The following MIOS variants were observed in gnomAD, a reference collection of about 807,000 sequenced individuals.
MIOS encodes GATOR2 complex protein MIOS.
MIOS carries 52 observed loss-of-function variants against 96.9 expected under a neutral mutation model. The observed-to-expected ratio is 0.54, with a 90% confidence interval of 0.43 to 0.68. The LOEUF is 0.68. Among genes scored for constraint, MIOS ranks in the 30% least tolerant of loss-of-function variants. The pLI is 0.00. For synonymous variants in MIOS, 397 were observed against 359.5 expected (o/e 1.10, Z -1.18); for missense variants, 1,005 against 1,052.8 (o/e 0.95, Z 0.63).
At chr7:7,594,075 G>A (rs147210702) in intron 9 of MIOS, among the ~76,000 whole-genome samples, 2 of 152,070 alleles carry the variant, frequency 1.3e-5, no homozygotes, top group East Asian at 1.9e-4. Context: ...CTGTGGCTAC[G>A]GGCAAAAGAA....
intron 11 of MIOS, among the ~76,000 whole-genome samples, 170 bp downstream of exon 11, chr7:7,596,631 A>G (rs192292434): frequency 6.6e-6 from 1 of 152,328 alleles, no homozygotes; most frequent in Non-Finnish European, 1.5e-5. Flanking sequence ...TGAAAACTAA[A>G]AGCAAAATCT....
Position 7,607,668 on chromosome 7 carries a change from A to G in MIOS, c.*576A>G, listed in dbSNP as rs973353238. ...TGTGTGTATATTTATGTGTGTATGT[A>G]TAAATATGTATTTTTTAAAGGAGCC... On this transcript the variant is annotated 3_prime_UTR_variant, in exon 13 of 13. Coordinates refer to ENST00000340080, the MANE Select transcript of MIOS (RefSeq NM_019005.4). The G allele has an allele frequency of 1.3e-5, 2 of 152,260 alleles. No homozygotes were observed. Among genetic ancestry groups the G allele is most frequent in the East Asian group, 1.9e-4 (1 of 5,184 alleles). The allele number at this position is 152,260 out of a possible 1,614,324, so 9.4% of individuals were successfully genotyped here.
chr7:7,604,269 T>G (rs1784463848), intron 11 of MIOS, among the ~76,000 whole-genome samples: 1 of 152,092 alleles, frequency 6.6e-6, no homozygotes, highest in Non-Finnish European at 1.5e-5. Context: ...TAAACCTCCC[T>G]GGTGCTTTGC....
chr7:7,573,678 G>T lies in MIOS; in HGVS notation c.1203G>T (p.Arg401Ser). ...AGATGCGTCTTCGGGCTTTATCAAG[G>T]TATGGACTTGATACAGAGCAGGTGT... ...ATKMRLRALS[R>S]YGLDTEQVWR... Residue 401 changes from arginine to serine, a missense_variant, in exon 4 of 13, where the codon AGG becomes AGT. Coordinates refer to ENST00000340080, the MANE Select transcript of MIOS (RefSeq NM_019005.4). This position sits in a 1 kb window ranked among gnomAD's most constrained non-coding sequence, Gnocchi z 5.0. The T allele has an allele frequency of 6.2e-7, 1 of 1,613,868 alleles. No homozygotes were observed. The highest frequency in any genetic ancestry group is 1.1e-5 in the South Asian group (1 of 91,070).
At chr7:7,594,935 C>G in intron 9 of MIOS, 45 bp from the exon 10 acceptor site, 1 of 1,502,640 alleles carries the variant, frequency 6.7e-7, no homozygotes, top group South Asian at 1.3e-5. Context: ...TCTGGCCTAG[C>G]CAGGAGATTT....
At position 7,596,719 on chromosome 7, in the gene MIOS, A is replaced by G. The variant is rs563045772; in HGVS notation, c.2401+258A>G. On this transcript the variant is annotated intron_variant, in intron 11 of 12. Transcript: ENST00000340080. ...GTGAGAAAAACTTAAATATGAAATAATCTTAATATATTACCATTTTCTTAT... is the reference window on the plus strand; with the variant it reads ...GTGAGAAAAACTTAAATATGAAATAGTCTTAATATATTACCATTTTCTTAT... Among the ~76,000 whole-genome samples, 28 of 152,358 alleles carry G rather than the reference A, an allele frequency of 1.8e-4. 1 individual carries two copies. The South Asian group carries it at 5.6e-3, about 30-fold the overall frequency.
chr7:7,580,938 C>T (rs185480371), intron 5 of MIOS, among the ~76,000 whole-genome samples: 2 of 150,398 alleles, frequency 1.3e-5, no homozygotes, highest in Admixed American at 6.6e-5. Context: ...CCGCCCACCT[C>T]GTCCTCCCAA....
At chr7:7,580,694 CTTT>C (rs377207804) in intron 5 of MIOS, among the ~76,000 whole-genome samples, 1 of 129,976 alleles carries the variant, frequency 7.7e-6, no homozygotes, top group African/African-American at 2.9e-5. Context: ...ACTATTTTAC[CTTT>C]TTTTTTTTTT....
intron 2 of MIOS, 97 bp downstream of exon 2, chr7:7,567,785 A>C (rs1783195516): frequency 6.6e-6 from 1 of 152,376 alleles, no homozygotes; most frequent in Non-Finnish European, 1.5e-5. Context: ...TCCAGTAGCC[A>C]CATGGGATTG....
At chr7:7,587,646 T>A (rs1783931374) in intron 7 of MIOS, among the ~76,000 whole-genome samples, 1 of 152,288 alleles carries the variant, frequency 6.6e-6, no homozygotes. Flanking sequence ...TTGTAACATA[T>A]GCAACTGAAT....
In MIOS at chr7:7,607,717, T is replaced by G. The variant is rs1784570153; in HGVS notation, c.*625T>G. The G allele has an allele frequency of 1.3e-5, 2 of 152,164 alleles. No individual in the cohort carries two copies. 9.4% of individuals were successfully genotyped at this position (152,164 alleles called of 1,614,324 possible). The stretch of plus-strand genomic sequence containing the variant: ...CCTTTTCCCTCCTTTGATTTTAAGA[T>G]AAGCAATCTTTTGGCATAACATTAT... On this transcript the variant is annotated 3_prime_UTR_variant, in exon 13 of 13. Coordinates refer to ENST00000340080, the MANE Select transcript of MIOS (RefSeq NM_019005.4).
rs1784587285 is a variant in MIOS, at chr7:7,608,448, T to G, written c.*1356T>G. The G allele has an allele frequency of 6.6e-6, 1 of 152,092 alleles. No homozygotes were observed. The highest frequency in any genetic ancestry group is 1.5e-5 in the Non-Finnish European group (1 of 67,968). 9.4% of individuals were successfully genotyped at this position (152,092 alleles called of 1,614,324 possible). ...AGTAGATTAAATTTATTTTTTACCT[T>G]GAGTGTCTGATACATAAAACCCTTT... On this transcript the variant is annotated 3_prime_UTR_variant, in exon 13 of 13. Coordinates refer to ENST00000340080, the MANE Select transcript of MIOS (RefSeq NM_019005.4).
intron 6 of MIOS, 141 bp downstream of exon 6, chr7:7,583,513 C>A: frequency 1.0e-6 from 1 of 960,824 alleles, no homozygotes; most frequent in Non-Finnish European, 1.5e-6. Context: ...GGAGAAAACA[C>A]AGCAGTATAT....
chr7:7,579,507 C>G (rs534034585), intron 5 of MIOS, among the ~76,000 whole-genome samples: 1 of 152,102 alleles, frequency 6.6e-6, no homozygotes, highest in Non-Finnish European at 1.5e-5. Context: ...CAAATACTTA[C>G]CATTGTGTTA....
At chr7:7,603,887 AAAT>A (rs546938996) in intron 11 of MIOS, among the ~76,000 whole-genome samples, 4,495 of 152,128 alleles carry the variant, frequency 0.03, 130 homozygotes, top group African/African-American at 0.066. Flanking sequence ...CAGCCATAAA[AAAT>A]GATGAGTTCA....
intron 5 of MIOS, among the ~76,000 whole-genome samples, chr7:7,581,412 G>T (rs141191137): frequency 4.7e-4 from 72 of 152,270 alleles, no homozygotes; most frequent in South Asian, 2.5e-3. Flanking sequence ...TCCTTGACCA[G>T]AATGACTGTA....
Position 7,607,221 on chromosome 7 carries a change from A to C in MIOS, c.*129A>C, listed in dbSNP as rs1784557526. On this transcript the variant is annotated 3_prime_UTR_variant, in exon 13 of 13. Coordinates refer to ENST00000340080, the MANE Select transcript of MIOS (RefSeq NM_019005.4). ...TAATGGGAAAATAAATCATTCTATC[A>C]GATCAGCAGTTTTGATGTTTGAGTG... 1 of 635,040 alleles carries C rather than the reference A, an allele frequency of 1.6e-6. No individual in the cohort carries two copies. Among genetic ancestry groups the C allele is most frequent in the Non-Finnish European group, 2.6e-6 (1 of 381,882 alleles). The allele number at this position is 635,040 out of a possible 1,614,324, so 39.3% of individuals were successfully genotyped here. A position where few individuals can be genotyped will look rare whatever the true frequency, so the allele number is the denominator to read the frequency against.
chr7:7,580,773 G>A (rs374667525), intron 5 of MIOS, among the ~76,000 whole-genome samples: 5 of 138,530 alleles, frequency 3.6e-5, no homozygotes, highest in African/African-American at 8.2e-5. Context: ...TGCAACCTCC[G>A]CCTCCCAGGT....
At chr7:7,606,831 G>A (rs1282130634) in intron 12 of MIOS, among the ~76,000 whole-genome samples, 165 bp from the exon 13 acceptor site, 2 of 152,102 alleles carry the variant, frequency 1.3e-5, no homozygotes, top group Non-Finnish European at 2.9e-5. Context: ...CACACCTGTA[G>A]TCCCAGCTAC....
Sources: gnomAD v4.1 joint callset for allele counts (sites outside exome capture counted in the v4.1 genomes callset) on GRCh38, gnomAD v4.1.1 for gene constraint, Gnocchi (gnomAD v3.1) non-coding constraint, MANE v1.5 for transcripts, NCBI Gene and HGNC (gene_info 2026-07-23, HGNC 2026-07-21) for gene names.